The following NAV3 variants were observed in gnomAD, a reference collection of about 807,000 sequenced individuals.
NAV3 encodes the protein pore membrane and/or filament interacting like protein 1.
In NAV3, 87 loss-of-function variants were observed where a neutral mutation model predicts 244.7. The observed-to-expected ratio is 0.36, with a 90% CI of 0.30 to 0.42. The LOEUF (loss-of-function observed/expected upper bound fraction) is 0.42, where lower values mean the gene tolerates loss of function less well. NAV3 is among the 20% of genes least tolerant of loss of function. The pLI is 1.00. For missense variants in NAV3, 2,663 were observed against 2,893.3 expected (o/e 0.92, Z 1.83); for synonymous variants, 1,126 against 1,042.2 (o/e 1.08, Z -1.55).
chr12:77,720,715 G>T (rs1207621346), intron 2 of NAV3, among the ~76,000 whole-genome samples: 1 of 152,144 alleles, frequency 6.6e-6, no homozygotes, highest in African/African-American at 2.4e-5. Context: ...AAGCAACTAT[G>T]GCCAGGGAGT....
At chr12:77,608,398 T>G (rs1218153000) in intron 2 of NAV3, among the ~76,000 whole-genome samples, 1 of 152,120 alleles carries the variant, frequency 6.6e-6, no homozygotes, top group Non-Finnish European at 1.5e-5. Flanking sequence ...AAGCAAGTCC[T>G]TAGTAGAATT....
At chr12:77,964,996 G>A (rs1892386175) in intron 3 of NAV3, among the ~76,000 whole-genome samples, 1 of 151,772 alleles carries the variant, frequency 6.6e-6, no homozygotes. Flanking sequence ...TTTTGACCTT[G>A]CTATGAAGCT....
chr12:78,182,310 T>C (rs1958531498), intron 30 of NAV3, among the ~76,000 whole-genome samples: 1 of 152,028 alleles, frequency 6.6e-6, no homozygotes, highest in Admixed American at 6.6e-5. Context: ...CAACATCCTC[T>C]ATGTTGGCTT....
At chr12:78,113,776 A>C (rs1035694376) in intron 12 of NAV3, among the ~76,000 whole-genome samples, 2 of 152,228 alleles carry the variant, frequency 1.3e-5, no homozygotes, top group Admixed American at 1.3e-4. Context: ...TTACTTATGC[A>C]AATTTCTGCA....
intron 1 of NAV3, among the ~76,000 whole-genome samples, chr12:77,910,798 A>G (rs1172374883): frequency 6.6e-6 from 1 of 152,096 alleles, no homozygotes; most frequent in Non-Finnish European, 1.5e-5. Context: ...AGAGACAGAG[A>G]AATAAGGTAC....
rs889256890 is a variant in NAV3, at chr12:78,040,643, G to C, written c.2024-9350G>C. On this transcript the variant is annotated intron_variant, in intron 9 of 39. Transcript: ENST00000397909. Reference sequence around the variant, plus strand: ...TTACAACTTAAAAGTTTTCCTGGGGGAAGGGGGAAAGGGATAGGAACATGT... The same window carrying C: ...TTACAACTTAAAAGTTTTCCTGGGGCAAGGGGGAAAGGGATAGGAACATGT... Among the ~76,000 whole-genome samples, 3 of 152,114 alleles carry C rather than the reference G, an allele frequency of 2.0e-5. No homozygotes were observed. The East Asian group carries it at 5.8e-4, about 29-fold the overall frequency.
chr12:78,181,077 A>C (rs766491037), intron 30 of NAV3, 32 bp downstream of exon 30: 2 of 1,604,122 alleles, frequency 1.2e-6, no homozygotes, highest in Non-Finnish European at 8.5e-7. Flanking sequence ...CCTGAATCAC[A>C]GCATACCCAT....
chr12:77,586,920 T>G (rs1869642443), intron 2 of NAV3, among the ~76,000 whole-genome samples: 1 of 152,120 alleles, frequency 6.6e-6, no homozygotes, highest in African/African-American at 2.4e-5. Flanking sequence ...AGAATGAGAA[T>G]CAGAGTTTGA....
intron 2 of NAV3, among the ~76,000 whole-genome samples, chr12:77,650,480 C>T (rs1872776250): frequency 6.6e-6 from 1 of 152,002 alleles, no homozygotes; most frequent in Non-Finnish European, 1.5e-5. Flanking sequence ...CAAGGAGGTA[C>T]AGTTGGAAGC....
At chr12:78,140,103 C>G (rs1243054622) in intron 19 of NAV3, among the ~76,000 whole-genome samples, 179 bp from the exon 20 acceptor site, 2 of 152,120 alleles carry the variant, frequency 1.3e-5, no homozygotes, top group Non-Finnish European at 2.9e-5. Context: ...GGATGGGGCT[C>G]TTCCATGTCT....
intron 2 of NAV3, among the ~76,000 whole-genome samples, chr12:77,729,364 T>C (rs7977006): frequency 0.023 from 3,441 of 152,042 alleles, 133 homozygotes; most frequent in African/African-American, 0.076. Context: ...AAGCCTGATT[T>C]CATACTTGAA....
At chr12:78,024,082 C>T (rs1183275858) in intron 9 of NAV3, among the ~76,000 whole-genome samples, 1 of 152,160 alleles carries the variant, frequency 6.6e-6, no homozygotes, top group Non-Finnish European at 1.5e-5. Flanking sequence ...AGCAATGATT[C>T]CACTAGGATT....
chr12:77,652,072 A>G (rs1317590910), intron 2 of NAV3, among the ~76,000 whole-genome samples: 1 of 152,208 alleles, frequency 6.6e-6, no homozygotes, highest in South Asian at 2.1e-4. Flanking sequence ...GGGATTTAAC[A>G]TCACTCTACT....
At chr12:78,093,086 C>A (rs1336075655) in intron 12 of NAV3, among the ~76,000 whole-genome samples, 1 of 152,254 alleles carries the variant, frequency 6.6e-6, no homozygotes, top group African/African-American at 2.4e-5. Context: ...ATGCACCTAG[C>A]AAATTCCTGA....
chr12:77,948,280 A>T (rs1035254260), intron 3 of NAV3, among the ~76,000 whole-genome samples: 1 of 152,046 alleles, frequency 6.6e-6, no homozygotes, highest in African/African-American at 2.4e-5. Context: ...ATTGTTGTCA[A>T]TATTTATACT....
intron 2 of NAV3, among the ~76,000 whole-genome samples, chr12:77,820,158 T>A (rs1483596888): frequency 6.6e-6 from 1 of 151,962 alleles, no homozygotes; most frequent in Non-Finnish European, 1.5e-5. Context: ...AAAGGAAAAC[T>A]TTGAAGGGTT....
intron 2 of NAV3, among the ~76,000 whole-genome samples, chr12:77,725,813 C>T (rs1219966680): frequency 6.6e-6 from 1 of 151,928 alleles, no homozygotes; most frequent in Non-Finnish European, 1.5e-5. Flanking sequence ...CTCTACAGGG[C>T]TGCATTCCTT....
At position 77,986,482 on chromosome 12, in the gene NAV3, T is replaced by A. The variant is rs2247797; in HGVS notation, c.672-8321T>A. Reference sequence around the variant, plus strand: ...CAACTTCCTCAGCTGAGATTTTTTGTAAGAAGCTTGATAGAATCCAAAGAG... The same window carrying A: ...CAACTTCCTCAGCTGAGATTTTTTGAAAGAAGCTTGATAGAATCCAAAGAG... On this transcript the variant is annotated intron_variant, in intron 5 of 39. Coordinates refer to ENST00000397909, the MANE Select transcript of NAV3 (RefSeq NM_001024383.2). 7.2e-5 allele frequency among the ~76,000 whole-genome samples: 11 copies of A among 152,290 alleles called. No homozygotes were observed. In the East Asian group the frequency reaches 1.7e-3, roughly 24 times the overall value.
At chr12:78,103,368 T>C (rs115993695) in intron 12 of NAV3, among the ~76,000 whole-genome samples, 2,225 of 152,260 alleles carry the variant, frequency 0.015, 57 homozygotes, top group African/African-American at 0.051. Flanking sequence ...GCCTGGTCCT[T>C]ATTGTTTATA....
Sources: allele counts gnomAD v4.1 joint callset (sites outside exome capture counted in the v4.1 genomes callset), GRCh38; gene constraint gnomAD v4.1.1; transcripts MANE v1.5; gene names NCBI Gene and HGNC (gene_info 2026-07-23, HGNC 2026-07-21).